MAP1B: variants seen among roughly 807,000 people sequenced by gnomAD.
MAP1B encodes microtubule-associated protein 1B.
In MAP1B, 12 loss-of-function variants were observed where a neutral mutation model predicts 176.1. The observed-to-expected ratio is 0.07, with a 90% confidence interval of 0.04 to 0.11. MAP1B has a LOEUF of 0.11. Ranked by LOEUF, MAP1B falls within the 10% of genes least tolerant of loss-of-function variation. MAP1B has a pLI of 1.00. For synonymous variants in MAP1B, 1,044 were observed against 1,135.0 expected (o/e 0.92, Z 1.61); for missense variants, 2,523 against 2,990.5 (o/e 0.84, Z 3.65).
Position 72,194,756 on chromosome 5 carries a change from T to G in MAP1B, c.1401T>G (p.Thr467=). Residue 467 remains threonine (T), a synonymous_variant, in exon 5 of 7, where the codon ACT becomes ACG. Transcript: ENST00000296755. The surrounding 1 kb of genome is among the most constrained non-coding windows in gnomAD (Gnocchi z 7.2). ...QEVDLPISYL[T]SVSSLIVWHP... ...TAGATCTCCCGATTTCCTACTTAAC[T>G]TCAGTCTCATCTTTGATTGTGTGGC... 6.2e-7 allele frequency: 1 copy of G among 1,614,194 alleles called. No homozygotes were observed. Among genetic ancestry groups the G allele is most frequent in the Non-Finnish European group, 8.5e-7 (1 of 1,180,044 alleles).
rs559101910 is a variant in MAP1B, at chr5:72,158,114, T to G, written c.287-25629T>G. Among the ~76,000 whole-genome samples the G allele has an allele frequency of 4.6e-5, 7 of 151,494 alleles. 2 individuals carry two copies. Among genetic ancestry groups the G allele is most frequent in the African/African-American group, 1.7e-4 (7 of 41,274 alleles). The stretch of plus-strand genomic sequence containing the variant: ...GCTCCGCCCCCCGGGGTTCACGCCA[T>G]TCTCCTGCCTCAGCCTCCCGAGTAG... On this transcript the variant is annotated intron_variant, in intron 2 of 6. Transcript: ENST00000296755.
intron 2 of MAP1B, chr5:72,179,896 G>A (rs1746730714): frequency 1.0e-6 from 1 of 985,434 alleles, no homozygotes; most frequent in Admixed American, 6.1e-5. Context: ...GATTGACTTG[G>A]AAGGAGTGGA....
At position 72,196,452 on chromosome 5, in the gene MAP1B, G is replaced by C. The variant is rs1393834790; in HGVS notation, c.3097G>C (p.Glu1033Gln). Residue 1033 changes from glutamate (E) to glutamine (Q), a missense_variant, in exon 5 of 7, where the codon GAA becomes CAA. By Grantham distance (29) the Glu-to-Gln change is conservative. Coordinates refer to ENST00000296755, the MANE Select transcript of MAP1B (RefSeq NM_005909.5). This position sits in a 1 kb window ranked among gnomAD's most constrained non-coding sequence, Gnocchi z 5.3. ...CAAAGCTGAAGATGCCAGAGAGGAGGAATATGAGCCGGAAAAAATGGAAGC... is the reference window on the plus strand; with the variant it reads ...CAAAGCTGAAGATGCCAGAGAGGAGCAATATGAGCCGGAAAAAATGGAAGC... ...EDKAEDAREE[E>Q]YEPEKMEAED... 1 of 1,613,856 alleles carries C rather than the reference G, an allele frequency of 6.2e-7. No homozygotes were observed. Among genetic ancestry groups the C allele is most frequent in the South Asian group, 1.1e-5 (1 of 91,072 alleles).
chr5:72,195,818 A>G lies in MAP1B; in HGVS notation c.2463A>G (p.Lys821=). Residue 821 remains lysine (K), a synonymous_variant, in exon 5 of 7, where the codon AAA becomes AAG. Coordinates refer to ENST00000296755, the MANE Select transcript of MAP1B (RefSeq NM_005909.5). ...AAGIAAIGPA[K]ELEAERSLMS... is the part of the protein sequence containing the mutation. ...GAATAGCAGCCATTGGCCCTGCCAA[A>G]GAACTCGAAGCTGAGAGGTCCCTTA... 5 of 1,614,258 alleles carry G rather than the reference A, an allele frequency of 3.1e-6. No individual in the cohort carries two copies. The highest frequency in any genetic ancestry group is 4.2e-6 in the Non-Finnish European group (5 of 1,180,050).
chr5:72,116,009 G>A, intron 2 of MAP1B: 1 of 473,044 alleles, frequency 2.1e-6, no homozygotes, highest in Admixed American at 3.3e-5. Context: ...GATTCTTAAT[G>A]AGTTTTTAAG....
At position 72,174,875 on chromosome 5, in the gene MAP1B, T is replaced by TCTTCCTTC. The variant is rs60281377; in HGVS notation, c.287-8854_287-8847dup. Among the ~76,000 whole-genome samples, 88 of 136,614 alleles carry TCTTCCTTC rather than the reference T, an allele frequency of 6.4e-4. 1 individual carries two copies. In the South Asian group the frequency reaches 0.014, roughly 21 times the overall value. 89.6% of individuals were successfully genotyped at this position (136,614 alleles called of 152,430 possible). Reference sequence around the variant, plus strand: ...AATAGGCATTGAACTCTGCTTCCTTTCTTCCTTCCTTCCTTCCTTCCCTCC... The same window carrying TCTTCCTTC: ...AATAGGCATTGAACTCTGCTTCCTTTCTTCCTTCCTTCCTTCCTTCCTTCCTTCCCTCC... On this transcript the variant is annotated intron_variant, in intron 2 of 6. Coordinates refer to ENST00000296755, the MANE Select transcript of MAP1B (RefSeq NM_005909.5).
At chr5:72,172,980 T>C (rs953453311) in intron 2 of MAP1B, among the ~76,000 whole-genome samples, 1 of 152,214 alleles carries the variant, frequency 6.6e-6, no homozygotes, top group East Asian at 1.9e-4. Context: ...AGCTTATTAG[T>C]TGAAAGCTTG....
chr5:72,153,686 C>G (rs906141689), intron 2 of MAP1B, among the ~76,000 whole-genome samples: 1 of 152,122 alleles, frequency 6.6e-6, no homozygotes, highest in African/African-American at 2.4e-5. Flanking sequence ...ACTTTCCCTT[C>G]TTGATTCTCT....
In MAP1B at chr5:72,198,893, C is replaced by T. The variant is rs1424755986; in HGVS notation, c.5538C>T (p.Ala1846=). Residue 1846 remains alanine (A), a synonymous_variant, in exon 5 of 7, where the codon GCC becomes GCT. Coordinates refer to ENST00000296755, the MANE Select transcript of MAP1B (RefSeq NM_005909.5). The part of the protein sequence containing the change: ...VLFDTMQHHL[A]LNRDLSTPGL... ...TCGATACAATGCAACACCATCTAGC[C>T]TTGAATAGAGATTTGTCCACACCTG... The T allele has an allele frequency of 1.2e-6, 2 of 1,614,200 alleles. No individual in the cohort carries two copies. The highest frequency in any genetic ancestry group is 1.1e-5 in the South Asian group (1 of 91,084).
intron 2 of MAP1B, among the ~76,000 whole-genome samples, chr5:72,165,593 C>T (rs2112186113): frequency 6.6e-6 from 1 of 152,270 alleles, no homozygotes; most frequent in East Asian, 1.9e-4. Context: ...GGGCAAGTCA[C>T]ATGACCTCTT....
At chr5:72,137,866 G>A (rs1384481253) in intron 2 of MAP1B, among the ~76,000 whole-genome samples, 1 of 152,116 alleles carries the variant, frequency 6.6e-6, no homozygotes, top group Non-Finnish European at 1.5e-5. Context: ...GTCATAAATA[G>A]CCTCAATCAA....
At position 72,196,981 on chromosome 5, in the gene MAP1B, C is replaced by T. The variant is rs760102292; in HGVS notation, c.3626C>T (p.Pro1209Leu). ...AATGCTTCAGCCTCTACCATATCAC[C>T]ACCCTCTTCCATGGAGGAAGACAAA... is the stretch of plus-strand genomic sequence containing the variant. Reference protein sequence around the residue: ...DYNASASTISPPSSMEEDKFS... With the variant: ...DYNASASTISLPSSMEEDKFS... The change falls in exon 5 of 7, where the codon CCA becomes CTA. Residue 1209 changes from proline (P) to leucine (L), a missense_variant. This residue lies in a region of MAP1B where 1,925 missense variants were observed against 2,126.0 expected (regional missense o/e 0.91). Transcript: ENST00000296755. The surrounding 1 kb of genome is among the most constrained non-coding windows in gnomAD (Gnocchi z 5.3). The T allele has an allele frequency of 6.2e-7, 1 of 1,614,202 alleles. No homozygotes were observed. The highest frequency in any genetic ancestry group is 8.5e-7 in the Non-Finnish European group (1 of 1,180,038).
rs148956454 is a variant in MAP1B at position 72,110,730 on chromosome 5, C to T, written c.184+3015C>T. On this transcript the variant is annotated intron_variant, in intron 1 of 6. Coordinates refer to ENST00000296755, the MANE Select transcript of MAP1B (RefSeq NM_005909.5). ...CTCTTTCTTCCTATTTCCCCTCCTG[C>T]CTTAACTGAGATTCTGGGTTTGGAG... is the stretch of plus-strand genomic sequence containing the variant. Among the ~76,000 whole-genome samples the T allele has an allele frequency of 4.1e-4, 63 of 152,304 alleles. 1 individual carries two copies. In the East Asian group the frequency reaches 9.3e-3, roughly 22 times the overall value.
intron 2 of MAP1B, among the ~76,000 whole-genome samples, chr5:72,162,249 C>G (rs1382699854): frequency 1.3e-5 from 2 of 152,026 alleles, no homozygotes; most frequent in African/African-American, 4.8e-5. Flanking sequence ...AAGGAAAGAA[C>G]CAAAATAATG....
chr5:72,165,266 T>A (rs940488139), intron 2 of MAP1B, among the ~76,000 whole-genome samples: 1 of 152,208 alleles, frequency 6.6e-6, no homozygotes, highest in African/African-American at 2.4e-5. Context: ...TTATTTTTGC[T>A]CCTCTGCCCC....
intron 2 of MAP1B, among the ~76,000 whole-genome samples, chr5:72,144,678 G>A (rs997531473): frequency 7.9e-5 from 12 of 152,286 alleles, no homozygotes; most frequent in African/African-American, 2.2e-4. Context: ...TTACAGGCAT[G>A]AGCCACCATG....
chr5:72,196,100 C>G lies in MAP1B; in HGVS notation c.2745C>G (p.Val915=). Reference sequence around the variant, plus strand: ...AGACACCTGAGGAGCTGGAGCCCGTCGAGAAGCAGGGAGTAGACGACATTG... The same window carrying G: ...AGACACCTGAGGAGCTGGAGCCCGTGGAGAAGCAGGGAGTAGACGACATTG... The part of the protein sequence containing the change: ...CEQTPEELEP[V]EKQGVDDIEK... The change falls in exon 5 of 7, where the codon GTC becomes GTG. Residue 915 remains valine, a synonymous_variant. Transcript: ENST00000296755. This position sits in a 1 kb window ranked among gnomAD's most constrained non-coding sequence, Gnocchi z 5.3. The G allele has an allele frequency of 6.2e-7, 1 of 1,613,890 alleles. No homozygotes were observed. Among genetic ancestry groups the G allele is most frequent in the Non-Finnish European group, 8.5e-7 (1 of 1,180,002 alleles).
At chr5:72,193,221 ACTT>A in intron 4 of MAP1B, 1 of 381,206 alleles carries the variant, frequency 2.6e-6, no homozygotes, top group African/African-American at 2.2e-5. Context: ...GCAATCCGTA[ACTT>A]CTTGTCTCCT....
intron 4 of MAP1B, among the ~76,000 whole-genome samples, chr5:72,190,030 GT>G (rs920979545): frequency 5.3e-5 from 8 of 152,302 alleles, no homozygotes; most frequent in African/African-American, 1.9e-4. Flanking sequence ...CTTGTTTCAG[GT>G]TTTTGCTTGT....
Sources: allele counts gnomAD v4.1 joint callset (sites outside exome capture counted in the v4.1 genomes callset), GRCh38; gene constraint gnomAD v4.1.1; regional missense constraint gnomAD v4.1.1; non-coding constraint Gnocchi (gnomAD v3.1); transcripts MANE v1.5; gene names NCBI Gene and HGNC (gene_info 2026-07-23, HGNC 2026-07-21).